The following GPHN variants were observed in gnomAD, a reference collection of about 807,000 sequenced individuals.
GPHN encodes the protein gephyrin.
In GPHN, 17 loss-of-function variants were observed where a neutral mutation model predicts 95.5. The observed-to-expected ratio is 0.18, with a 90% confidence interval of 0.12 to 0.27. GPHN has a LOEUF of 0.27. Among genes scored for constraint, GPHN ranks in the 10% least tolerant of loss-of-function variants. GPHN has a pLI of 1.00. For missense variants in GPHN, 660 were observed against 978.1 expected (o/e 0.67, Z 4.34); for synonymous variants, 320 against 322.5 (o/e 0.99, Z 0.08).
At chr14:66,517,051 C>G (rs745817216) in intron 1 of GPHN, among the ~76,000 whole-genome samples, 1 of 149,982 alleles carries the variant, frequency 6.7e-6, no homozygotes, top group Non-Finnish European at 1.5e-5. Context: ...TCACTTGAAC[C>G]CCTGAGGCAG....
At chr14:67,305,624 A>G in the GPHN span, among the ~76,000 whole-genome samples, 1 of 152,238 alleles carries the variant, frequency 6.6e-6, no homozygotes, top group East Asian at 1.9e-4. Context: ...TTCATGCAGA[A>G]TCTGGAATTC....
chr14:67,304,734 C>A, the GPHN span, among the ~76,000 whole-genome samples: 2 of 152,104 alleles, frequency 1.3e-5, no homozygotes, highest in East Asian at 1.9e-4. Context: ...TTGTACAAAT[C>A]TGTGAATAAA....
At chr14:67,469,646 CTGGTGG>C in the GPHN span, among the ~76,000 whole-genome samples, 12 of 149,982 alleles carry the variant, frequency 8.0e-5, no homozygotes, top group South Asian at 4.3e-4. Context: ...GGGCAGCGGC[CTGGTGG>C]TGGTGGTGGT....
rs1255372844 is a variant in GPHN at position 66,702,326 on chromosome 14, T to A, written c.143+21141T>A. Among the ~76,000 whole-genome samples the A allele has an allele frequency of 3.3e-5, 5 of 152,206 alleles. No homozygotes were observed. In the East Asian group the frequency reaches 9.6e-4, roughly 29 times the overall value. ...ACTTCATTAAACAGGTCCTGTTCCC[T>A]GTGCCACCCAACTGGGTGAGACCCT... On this transcript the variant is annotated intron_variant, in intron 2 of 22. Transcript: ENST00000478722.
At chr14:67,042,246 G>T (rs1247207488) in intron 10 of GPHN, among the ~76,000 whole-genome samples, 1 of 152,044 alleles carries the variant, frequency 6.6e-6, no homozygotes, top group Admixed American at 6.6e-5. Context: ...GATCCCATTT[G>T]TCAATTTTGG....
At chr14:67,120,521 G>A (rs994574171) in intron 16 of GPHN, among the ~76,000 whole-genome samples, 3 of 151,812 alleles carry the variant, frequency 2.0e-5, no homozygotes, top group Non-Finnish European at 4.4e-5. Context: ...GTTATTTCTG[G>A]AACTGTTTGC....
the GPHN span, among the ~76,000 whole-genome samples, chr14:67,287,636 C>T: frequency 6.6e-6 from 1 of 152,298 alleles, no homozygotes; most frequent in East Asian, 1.9e-4. Flanking sequence ...CAGAAGGCAG[C>T]TTTGGCAGTA....
the GPHN span, among the ~76,000 whole-genome samples, chr14:67,339,137 AGGCGCAT>A: frequency 6.6e-6 from 1 of 151,972 alleles, no homozygotes; most frequent in Non-Finnish European, 1.5e-5. Flanking sequence ...CTGGGAATAC[AGGCGCAT>A]GCTGCCACAC....
intron 8 of GPHN, among the ~76,000 whole-genome samples, chr14:66,961,310 G>A (rs2068883162): frequency 6.6e-6 from 1 of 151,942 alleles, no homozygotes. Context: ...TAGAGTGATG[G>A]AATTTTGGAT....
chr14:66,656,540 G>T (rs1167087751), intron 1 of GPHN, among the ~76,000 whole-genome samples: 3 of 151,976 alleles, frequency 2.0e-5, no homozygotes, highest in African/African-American at 7.2e-5. Context: ...CATATCAAAG[G>T]TTTATGGCAA....
At chr14:67,327,865 C>G in the GPHN span, among the ~76,000 whole-genome samples, 1 of 152,228 alleles carries the variant, frequency 6.6e-6, no homozygotes, top group East Asian at 1.9e-4. Flanking sequence ...ATATGTGCCA[C>G]ATTTTCTTAA....
chr14:67,637,947 AGAG>A, the GPHN span, among the ~76,000 whole-genome samples: 1 of 152,218 alleles, frequency 6.6e-6, no homozygotes, highest in African/African-American at 2.4e-5. Context: ...AGTCTTGAAA[AGAG>A]GAGGTGTGCT....
the GPHN span, among the ~76,000 whole-genome samples, chr14:67,264,745 T>TACA: frequency 6.6e-6 from 1 of 152,220 alleles, no homozygotes; most frequent in Non-Finnish European, 1.5e-5. Flanking sequence ...AAAGCCATTG[T>TACA]ATGGCCTAGA....
intron 1 of GPHN, among the ~76,000 whole-genome samples, chr14:66,636,986 C>T (rs1167723744): frequency 1.3e-5 from 2 of 152,096 alleles, no homozygotes; most frequent in African/African-American, 2.4e-5. Context: ...ATATAGGAAT[C>T]TCCTCAGTTA....
chr14:66,713,677 G>T (rs2069886762), intron 2 of GPHN, among the ~76,000 whole-genome samples: 1 of 151,714 alleles, frequency 6.6e-6, no homozygotes, highest in Non-Finnish European at 1.5e-5. Context: ...AAGAATGATG[G>T]TGGTATTTTG....
chr14:66,872,772 G>A (rs1401214516), intron 4 of GPHN, among the ~76,000 whole-genome samples: 2 of 151,774 alleles, frequency 1.3e-5, no homozygotes, highest in African/African-American at 2.4e-5. Flanking sequence ...GTGCGCACCT[G>A]TAATCACAGC....
intron 9 of GPHN, among the ~76,000 whole-genome samples, chr14:67,014,347 G>T (rs2073184478): frequency 6.6e-6 from 1 of 152,058 alleles, no homozygotes; most frequent in Non-Finnish European, 1.5e-5. Context: ...GACTTATACA[G>T]TGTTATACAG....
At chr14:66,553,510 T>C (rs1419286360) in intron 1 of GPHN, among the ~76,000 whole-genome samples, 1 of 152,170 alleles carries the variant, frequency 6.6e-6, no homozygotes, top group Admixed American at 6.5e-5. Context: ...TGATTGGTCT[T>C]CAACTTCACT....
the GPHN span, among the ~76,000 whole-genome samples, chr14:67,602,822 C>T: frequency 6.6e-6 from 1 of 152,124 alleles, no homozygotes; most frequent in African/African-American, 2.4e-5. Flanking sequence ...AATTATTAAA[C>T]CCATCACTAG....
Sources: gnomAD v4.1 joint callset for allele counts (sites outside exome capture counted in the v4.1 genomes callset) on GRCh38, gnomAD v4.1.1 for gene constraint, MANE v1.5 for transcripts, NCBI Gene and HGNC (gene_info 2026-07-23, HGNC 2026-07-21) for gene names.